Variants in PTPRD observed in about 807,000 individuals in gnomAD.
PTPRD encodes protein tyrosine phosphatase receptor type D, also known as receptor-type tyrosine-protein phosphatase delta.
Under a neutral mutation model 214.5 loss-of-function variants are expected in PTPRD, and 34 were observed. That is an observed-to-expected ratio of 0.16 (90% confidence interval 0.12 to 0.21). The LOEUF is 0.21. Ranked by LOEUF, PTPRD falls within the 10% of genes least tolerant of loss-of-function variation. The probability of loss-of-function intolerance (pLI) is 1.00; values close to 1 mark genes in which losing one functional copy is unlikely to be tolerated. For synonymous variants in PTPRD, 1,128 were observed against 845.7 expected (o/e 1.33, Z -5.79); for missense variants, 2,545 against 2,398.7 (o/e 1.06, Z -1.27).
At chr9:10,607,471 A>C (rs532315725) in intron 2 of PTPRD, among the ~76,000 whole-genome samples, 50 of 152,050 alleles carry the variant, frequency 3.3e-4, no homozygotes, top group Admixed American at 2.8e-3. Flanking sequence ...CAGATACATA[A>C]ATGCTCACAT....
At chr9:10,399,322 C>T (rs1469820135) in intron 2 of PTPRD, among the ~76,000 whole-genome samples, 13 of 151,934 alleles carry the variant, frequency 8.6e-5, no homozygotes, top group Admixed American at 7.9e-4. Context: ...ACTTACATAT[C>T]AATGCTTTGA....
intron 14 of PTPRD, among the ~76,000 whole-genome samples, chr9:8,547,007 A>G (rs1235126251): frequency 6.6e-6 from 1 of 152,200 alleles, no homozygotes; most frequent in African/African-American, 2.4e-5. Flanking sequence ...TCTTACTACA[A>G]AATTTTCCTG....
chr9:9,974,327 A>T (rs1276824979), intron 4 of PTPRD, among the ~76,000 whole-genome samples: 1 of 152,202 alleles, frequency 6.6e-6, no homozygotes, highest in Admixed American at 6.5e-5. Flanking sequence ...CTAATACCAA[A>T]TGATGCCAAA....
intron 2 of PTPRD, among the ~76,000 whole-genome samples, chr9:10,380,502 T>C (rs2097797940): frequency 6.6e-6 from 1 of 152,032 alleles, no homozygotes; most frequent in Admixed American, 6.6e-5. Context: ...GAAACACATA[T>C]CATAGTACCC....
At chr9:10,373,877 A>G (rs7033319) in intron 2 of PTPRD, among the ~76,000 whole-genome samples, 2,438 of 152,122 alleles carry the variant, frequency 0.016, 73 homozygotes, top group African/African-American at 0.055. Flanking sequence ...TCATTTTACC[A>G]TATTTTATTC....
At chr9:8,803,797 C>A (rs969232294) in intron 11 of PTPRD, among the ~76,000 whole-genome samples, 1 of 151,730 alleles carries the variant, frequency 6.6e-6, no homozygotes, top group African/African-American at 2.4e-5. Flanking sequence ...ATTCATAATA[C>A]CTTTTTTTGG....
intron 4 of PTPRD, among the ~76,000 whole-genome samples, chr9:9,968,685 G>C (rs538920753): frequency 1.4e-4 from 21 of 152,070 alleles, no homozygotes; most frequent in Non-Finnish European, 2.4e-4. Flanking sequence ...TTCCCAAAAA[G>C]AAAAATTCCT....
At chr9:8,813,784 T>C (rs1193813165) in intron 11 of PTPRD, among the ~76,000 whole-genome samples, 1 of 152,262 alleles carries the variant, frequency 6.6e-6, no homozygotes, top group Admixed American at 6.5e-5. Context: ...TGAGCTACTT[T>C]GTTAAGCAAT....
intron 9 of PTPRD, among the ~76,000 whole-genome samples, chr9:9,305,430 G>A (rs567912941): frequency 8.5e-5 from 13 of 152,058 alleles, no homozygotes; most frequent in Non-Finnish European, 1.9e-4. Flanking sequence ...GAATACAGAT[G>A]TTATTAAGGT....
At chr9:8,644,163 G>A (rs1441935410) in intron 12 of PTPRD, among the ~76,000 whole-genome samples, 1 of 152,114 alleles carries the variant, frequency 6.6e-6, no homozygotes, top group Non-Finnish European at 1.5e-5. Context: ...CTGCAGAGAG[G>A]AGCTACCCTC....
chr9:10,160,052 G>A (rs2154287888), intron 3 of PTPRD, among the ~76,000 whole-genome samples: 1 of 151,998 alleles, frequency 6.6e-6, no homozygotes, highest in Admixed American at 6.6e-5. Flanking sequence ...GTGGCTGAAT[G>A]GATAAAGAAA....
intron 12 of PTPRD, among the ~76,000 whole-genome samples, chr9:8,644,911 A>C (rs72698295): frequency 0.16 from 24,349 of 152,128 alleles, 2,456 homozygotes; most frequent in African/African-American, 0.28. Flanking sequence ...GCAGAACAAG[A>C]CCAACGGGCC....
intron 10 of PTPRD, among the ~76,000 whole-genome samples, chr9:9,023,433 G>A (rs1279747853): frequency 1.3e-5 from 2 of 151,796 alleles, no homozygotes; most frequent in Admixed American, 6.6e-5. Flanking sequence ...AACACAAAAC[G>A]CCTAGGACCT....
chr9:9,055,050 G>A (rs1488868517), intron 10 of PTPRD, among the ~76,000 whole-genome samples: 7 of 152,128 alleles, frequency 4.6e-5, no homozygotes, highest in Non-Finnish European at 2.9e-5. Context: ...TACATTGCTG[G>A]TGACAGTAGA....
intron 7 of PTPRD, among the ~76,000 whole-genome samples, chr9:9,653,386 A>AAAAAAAAT (rs2096422807): frequency 7.5e-6 from 1 of 133,794 alleles, no homozygotes; most frequent in Non-Finnish European, 1.6e-5. Flanking sequence ...AAAAAAAAAA[A>AAAAAAAAT]GTGCCTCATT....
At chr9:8,761,040 C>G (rs2094382395) in intron 11 of PTPRD, among the ~76,000 whole-genome samples, 1 of 152,116 alleles carries the variant, frequency 6.6e-6, no homozygotes, top group South Asian at 2.1e-4. Context: ...AAGAAGGACA[C>G]CAAGCTTTTT....
chr9:9,835,528 G>A (rs1054260848), intron 5 of PTPRD, among the ~76,000 whole-genome samples: 1 of 152,086 alleles, frequency 6.6e-6, no homozygotes, highest in African/African-American at 2.4e-5. Flanking sequence ...TCCCAAATGA[G>A]AATTAAACTG....
intron 3 of PTPRD, among the ~76,000 whole-genome samples, chr9:10,284,210 C>A (rs2095261287): frequency 6.6e-6 from 1 of 151,954 alleles, no homozygotes; most frequent in African/African-American, 2.4e-5. Flanking sequence ...GTGACAGAGA[C>A]CCCATCTCAA....
rs146718144 is a variant in PTPRD at position 8,784,067 on chromosome 9, A to G, written c.-103-50121T>C. ...ACAATGAATTAGCAACAAATCCTCC[A>G]CTCTTTGCCCCTTCAGCCCTTGGAG... is the stretch of plus-strand genomic sequence containing the variant. On this transcript the variant is annotated intron_variant, in intron 11 of 45. Transcript: ENST00000381196. Among the ~76,000 whole-genome samples the G allele has an allele frequency of 2.5e-3, 379 of 151,964 alleles. 2 individuals are homozygous for G. Among genetic ancestry groups the G allele is most frequent in the African/African-American group, 8.8e-3 (365 of 41,412 alleles).
Sources: gnomAD v4.1 joint callset for allele counts (sites outside exome capture counted in the v4.1 genomes callset) on GRCh38, gnomAD v4.1.1 for gene constraint, MANE v1.5 for transcripts, NCBI Gene and HGNC (gene_info 2026-07-23, HGNC 2026-07-21) for gene names.